The following TRAF4 variants were observed in gnomAD, a reference collection of about 807,000 sequenced individuals.
The protein encoded by TRAF4 is TNF receptor associated factor 4.
Under a neutral mutation model 47.3 loss-of-function variants are expected in TRAF4, and 9 were observed. The observed-to-expected ratio is 0.19, with a 90% confidence interval of 0.11 to 0.33. The LOEUF (loss-of-function observed/expected upper bound fraction) is 0.33. Ranked by LOEUF, TRAF4 falls within the 10% of genes least tolerant of loss-of-function variation. The probability of loss-of-function intolerance (pLI) is 1.00; values close to 1 mark genes in which losing one functional copy is unlikely to be tolerated. For synonymous variants in TRAF4, 236 were observed against 236.9 expected (o/e 1.00, Z 0.04); for missense variants, 448 against 620.3 (o/e 0.72, Z 2.95).
chr17:28,748,063 G>C lies in TRAF4; in HGVS notation c.347G>C (p.Arg116Pro). 1 of 1,613,994 alleles carries C rather than the reference G, an allele frequency of 6.2e-7. No homozygotes were observed. Among genetic ancestry groups the C allele is most frequent in the Non-Finnish European group, 8.5e-7 (1 of 1,180,020 alleles). Reference sequence around the variant, plus strand: ...TTCAATGTCATTCCCTGCCCTAATCGCTGCCCCATGAAGCTGAGCCGCCGT... The same window carrying C: ...TTCAATGTCATTCCCTGCCCTAATCCCTGCCCCATGAAGCTGAGCCGCCGT... ...CSFNVIPCPNRCPMKLSRRDL... is the reference protein window; with the variant it reads ...CSFNVIPCPNPCPMKLSRRDL... Residue 116 changes from arginine to proline, a missense_variant, in exon 4 of 7, where the codon CGC becomes CCC. By Grantham distance (103) the Arg-to-Pro change is moderately radical. Coordinates refer to ENST00000262395, the MANE Select transcript of TRAF4 (RefSeq NM_004295.4).
Position 28,749,605 on chromosome 17 carries a change from C to CG in TRAF4, c.*29dup. The CG allele has an allele frequency of 6.3e-7, 1 of 1,596,728 alleles. No homozygotes were observed. Among genetic ancestry groups the CG allele is most frequent in the Non-Finnish European group, 8.5e-7 (1 of 1,170,884 alleles). ...GCAGGTGGGGTTCGAGGGGAAAGGA[C>CG]GATGGGGCATGACCTCAGTCAGGCA... On this transcript the variant is annotated 3_prime_UTR_variant, in exon 7 of 7. Coordinates refer to ENST00000262395, the MANE Select transcript of TRAF4 (RefSeq NM_004295.4).
rs977338436 is a variant in TRAF4, at chr17:28,744,062, G to A, written c.-51G>A. 2 of 1,281,044 alleles carry A rather than the reference G, an allele frequency of 1.6e-6. No individual in the cohort carries two copies. The highest frequency in any genetic ancestry group is 3.2e-5 in the African/African-American group (2 of 63,142). 79.4% of individuals were successfully genotyped at this position (1,281,044 alleles called of 1,614,324 possible). On this transcript the variant is annotated 5_prime_UTR_variant, in exon 1 of 7. Coordinates refer to ENST00000262395, the MANE Select transcript of TRAF4 (RefSeq NM_004295.4). ...GCCGCTCCAGCGAGGCGCGGGCTGTGGGGCCGCCGCGTGCCTGGCCCCGCT... is the reference window on the plus strand; with the variant it reads ...GCCGCTCCAGCGAGGCGCGGGCTGTAGGGCCGCCGCGTGCCTGGCCCCGCT...
Position 28,749,787 on chromosome 17 carries a change from G to C in TRAF4, c.*210G>C, listed in dbSNP as rs1412029634. The C allele has an allele frequency of 2.4e-6, 2 of 846,650 alleles. No individual in the cohort carries two copies. Among genetic ancestry groups the C allele is most frequent in the Non-Finnish European group, 3.9e-6 (2 of 517,330 alleles). 52.4% of individuals were successfully genotyped at this position (846,650 alleles called of 1,614,324 possible). A position where few individuals can be genotyped will look rare whatever the true frequency, so the allele number is the denominator to read the frequency against. On this transcript the variant is annotated 3_prime_UTR_variant, in exon 7 of 7. Coordinates refer to ENST00000262395, the MANE Select transcript of TRAF4 (RefSeq NM_004295.4). ...GGGGAACAGGTCTTGGGGTCATGAA[G>C]GGCTGGAAACAAGTGACCCCAGGGC...
chr17:28,744,265 G>C lies in TRAF4; in HGVS notation c.143+10G>C. Reference sequence around the variant, plus strand: ...TGCAGGAGTTCCTCAGGTGCTGGCCGGGGAGCAGGGGACAGCGGGGGCGGG... The same window carrying C: ...TGCAGGAGTTCCTCAGGTGCTGGCCCGGGAGCAGGGGACAGCGGGGGCGGG... On this transcript the variant is annotated intron_variant, in intron 1 of 6. Transcript: ENST00000262395. 2 of 1,583,908 alleles carry C rather than the reference G, an allele frequency of 1.3e-6. No homozygotes were observed. The highest frequency in any genetic ancestry group is 2.3e-5 in the East Asian group (1 of 43,910).
At position 28,748,182 on chromosome 17, in the gene TRAF4, G is replaced by A. The variant is rs773693814; in HGVS notation, c.462+4G>A. 1.2e-6 allele frequency: 2 copies of A among 1,613,904 alleles called. No individual in the cohort carries two copies. Among genetic ancestry groups the A allele is most frequent in the South Asian group, 1.1e-5 (1 of 91,088 alleles). ...CTTCAGTGGGGAGGCCTATGAGGTG[G>A]GTGGGGTCTGGCTGAATGTGGAGGA... is the stretch of plus-strand genomic sequence containing the variant. On this transcript the variant is annotated splice_donor_region_variant and intron_variant, in intron 4 of 6. Transcript: ENST00000262395.
At chr17:28,745,533 C>T (rs142401174) in intron 1 of TRAF4, 1 of 108,106 alleles carries the variant, frequency 9.3e-6, no homozygotes, top group Non-Finnish European at 1.9e-5. Context: ...GGCCGGATTC[C>T]TTCCACCACC....
In TRAF4 at chr17:28,744,211, C is replaced by A; in HGVS notation, c.99C>A (p.Thr33=). ...TGCGCGAGCCTGTGCAGGTTTCCAC[C>A]TGCGGCCACCGTTTCTGCGATACCT... ...KPMREPVQVS[T]CGHRFCDTCL... The change falls in exon 1 of 7, where the codon ACC becomes ACA. Residue 33 remains threonine (T), a synonymous_variant. Transcript: ENST00000262395. 1.3e-6 allele frequency: 2 copies of A among 1,563,846 alleles called. No homozygotes were observed. Among genetic ancestry groups the A allele is most frequent in the South Asian group, 2.2e-5 (2 of 90,152 alleles).
At chr17:28,746,500 C>T (rs1255643394) in intron 1 of TRAF4, among the ~76,000 whole-genome samples, 1 of 152,200 alleles carries the variant, frequency 6.6e-6, no homozygotes, top group Non-Finnish European at 1.5e-5. Flanking sequence ...TTCCTTGCCC[C>T]AGCTTCTCTT....
In TRAF4 at chr17:28,750,188, C is replaced by T; in HGVS notation, c.*611C>T. 1 of 405,116 alleles carries T rather than the reference C, an allele frequency of 2.5e-6. No homozygotes were observed. Among genetic ancestry groups the T allele is most frequent in the South Asian group, 4.1e-5 (1 of 24,318 alleles). 25.1% of individuals were successfully genotyped at this position (405,116 alleles called of 1,614,324 possible). On this transcript the variant is annotated 3_prime_UTR_variant, in exon 7 of 7. Transcript: ENST00000262395. ...AGAAGGGCCGCTGCCTGGGTCTGGC[C>T]CCAGGATCCAGCTTACCTGCTGGCT...
At position 28,748,463 on chromosome 17, in the gene TRAF4, C is replaced by T; in HGVS notation, c.624+40C>T. ...GAACTGTGGGTTGCAGGGTAGGTGA[C>T]AGGTAGTCAGGATATTGACTCCTGC... On this transcript the variant is annotated intron_variant, in intron 5 of 6. Coordinates refer to ENST00000262395, the MANE Select transcript of TRAF4 (RefSeq NM_004295.4). 3 of 1,606,706 alleles carry T rather than the reference C, an allele frequency of 1.9e-6. No homozygotes were observed. The South Asian group carries it at 3.3e-5, about 18-fold the overall frequency.
At position 28,747,711 on chromosome 17, in the gene TRAF4, CAA is replaced by C. The variant is rs530287588; in HGVS notation, c.196-131_196-130del. ...CTGCTGTGCCCTTCATCCCTGGACTCAAGAGGGGCAAAGAGCCCAAGAGAGGC... is the reference window on the plus strand; with the variant it reads ...CTGCTGTGCCCTTCATCCCTGGACTCGAGGGGCAAAGAGCCCAAGAGAGGC... On this transcript the variant is annotated intron_variant, in intron 2 of 6. Transcript: ENST00000262395. 4,757 of 818,968 alleles carry C rather than the reference CAA, an allele frequency of 5.8e-3. 27 individuals carry two copies. Among genetic ancestry groups the C allele is most frequent in the Non-Finnish European group, 7.8e-3 (4,035 of 517,072 alleles). 50.7% of individuals were successfully genotyped at this position (818,968 alleles called of 1,614,324 possible). A position where few individuals can be genotyped will look rare whatever the true frequency, so the allele number is the denominator to read the frequency against.
In TRAF4 at chr17:28,747,924, A is replaced by T; in HGVS notation, c.277A>T (p.Ser93Cys). The T allele has an allele frequency of 6.2e-7, 1 of 1,614,084 alleles. No individual in the cohort carries two copies. Among genetic ancestry groups the T allele is most frequent in the Non-Finnish European group, 8.5e-7 (1 of 1,180,022 alleles). Residue 93 changes from serine (S) to cysteine (C), a missense_variant, in exon 3 of 7, where the codon AGT becomes TGT. By Grantham distance (112) the Ser-to-Cys change is moderately radical. Coordinates refer to ENST00000262395, the MANE Select transcript of TRAF4 (RefSeq NM_004295.4). ...CIHSEEGCRW[S>C]GPLRHLQGHL... ...CCACAGTGAGGAGGGCTGCCGCTGG[A>T]GTGGGCCACTACGTCATCTACAGGT...
In TRAF4 at chr17:28,748,630, G is replaced by A. The variant is rs144767741; in HGVS notation, c.744G>A (p.Val248=). The part of the protein sequence containing the change: ...HLKDSCNTAL[V]LCPFKDSGCK... ...AGGACAGCTGTAACACCGCCCTGGT[G>A]CTCTGCCCATTCAAAGACTCCGGCT... is the stretch of plus-strand genomic sequence containing the variant. The change falls in exon 6 of 7, where the codon GTG becomes GTA. Residue 248 remains valine, a synonymous_variant. Coordinates refer to ENST00000262395, the MANE Select transcript of TRAF4 (RefSeq NM_004295.4). The A allele has an allele frequency of 6.2e-7, 1 of 1,612,662 alleles. No homozygotes were observed. Among genetic ancestry groups the A allele is most frequent in the Non-Finnish European group, 8.5e-7 (1 of 1,179,902 alleles).
Position 28,747,953 on chromosome 17 carries a change from G to A in TRAF4, c.300+6G>A, listed in dbSNP as rs145425484. ...GGCCACTACGTCATCTACAGGTGAG[G>A]CTCTGATGTGAGGGCTGGCACCACC... On this transcript the variant is annotated splice_donor_region_variant and intron_variant, in intron 3 of 6. Transcript: ENST00000262395. The A allele has an allele frequency of 1.5e-5, 24 of 1,614,006 alleles. No homozygotes were observed. Among genetic ancestry groups the A allele is most frequent in the Non-Finnish European group, 1.8e-5 (21 of 1,180,036 alleles).
In TRAF4 at chr17:28,747,886, C is replaced by T. The variant is rs1294737464; in HGVS notation, c.239C>T (p.Pro80Leu). Reference sequence around the variant, plus strand: ...CTGGAAGTACAAGTATTGGGCCTGCCTATCCGCTGCATCCACAGTGAGGAG... The same window carrying T: ...CTGGAAGTACAAGTATTGGGCCTGCTTATCCGCTGCATCCACAGTGAGGAG... ...PELEVQVLGL[P>L]IRCIHSEEGC... Residue 80 changes from proline (P) to leucine (L), a missense_variant, in exon 3 of 7, where the codon CCT becomes CTT. Coordinates refer to ENST00000262395, the MANE Select transcript of TRAF4 (RefSeq NM_004295.4). 5 of 1,613,908 alleles carry T rather than the reference C, an allele frequency of 3.1e-6. No individual in the cohort carries two copies. In the African/African-American group the frequency reaches 5.3e-5, roughly 17 times the overall value.
chr17:28,748,496 C>T lies in TRAF4; in HGVS notation c.625-15C>T, dbSNP rs1240441104. The T allele has an allele frequency of 2.5e-6, 4 of 1,611,710 alleles. No individual in the cohort carries two copies. The highest frequency in any genetic ancestry group is 3.4e-6 in the Non-Finnish European group (4 of 1,178,704). ...CAGGATATTGACTCCTGCCTCTCTA[C>T]TTCTGTGGCCCCAGAGCCACCAGTA... On this transcript the variant is annotated splice_polypyrimidine_tract_variant and intron_variant, in intron 5 of 6. Coordinates refer to ENST00000262395, the MANE Select transcript of TRAF4 (RefSeq NM_004295.4).
intron 4 of TRAF4, 26 bp downstream of exon 4, chr17:28,748,204 A>C: frequency 6.2e-7 from 1 of 1,613,254 alleles, no homozygotes; most frequent in Non-Finnish European, 8.5e-7. Context: ...CTGAATGTGG[A>C]GGAGGGGGTA....
In TRAF4 at chr17:28,750,788, C is replaced by T. The variant is rs1350483679; in HGVS notation, c.*1211C>T. ...GACAGGGCCTCGATTCTGTTTTAAA[C>T]TCCAGTAGTCCCTAGAAATTGTAGC... On this transcript the variant is annotated 3_prime_UTR_variant, in exon 7 of 7. Coordinates refer to ENST00000262395, the MANE Select transcript of TRAF4 (RefSeq NM_004295.4). 1.3e-5 allele frequency: 2 copies of T among 152,216 alleles called. No homozygotes were observed. Among genetic ancestry groups the T allele is most frequent in the Non-Finnish European group, 2.9e-5 (2 of 68,052 alleles). 9.4% of individuals were successfully genotyped at this position (152,216 alleles called of 1,614,324 possible). A position where few individuals can be genotyped will look rare whatever the true frequency, so the allele number is the denominator to read the frequency against.
intron 2 of TRAF4, 52 bp from the exon 3 acceptor site, chr17:28,747,790 TG>T: frequency 6.4e-7 from 1 of 1,563,008 alleles, no homozygotes; most frequent in Non-Finnish European, 8.7e-7. Context: ...GGGTGGGAAC[TG>T]GGCACTGCAG....
Sources: gnomAD v4.1 joint callset for allele counts (sites outside exome capture counted in the v4.1 genomes callset) on GRCh38, gnomAD v4.1.1 for gene constraint, MANE v1.5 for transcripts, NCBI Gene and HGNC (gene_info 2026-07-23, HGNC 2026-07-21) for gene names.